The following TRPC3 variants were observed in gnomAD, a reference collection of about 807,000 sequenced individuals.
TRPC3 encodes short transient receptor potential channel 3.
Under a neutral mutation model 90.9 loss-of-function variants are expected in TRPC3, and 54 were observed. That is an observed-to-expected ratio of 0.59 (90% CI 0.48 to 0.75). The LOEUF (loss-of-function observed/expected upper bound fraction) is 0.75. TRPC3 is among the 30% of genes least tolerant of loss of function. The pLI, the probability that TRPC3 is intolerant of heterozygous loss-of-function variation, is 0.00. For missense variants in TRPC3, 918 were observed against 1,194.5 expected (o/e 0.77, Z 3.41); for synonymous variants, 424 against 450.9 (o/e 0.94, Z 0.75).
intron 3 of TRPC3, among the ~76,000 whole-genome samples, chr4:121,921,208 G>C (rs1729489973): frequency 6.6e-6 from 1 of 152,130 alleles, no homozygotes; most frequent in African/African-American, 2.4e-5. Flanking sequence ...GCTGGGAGTA[G>C]GTCTTGGGCA....
intron 2 of TRPC3, among the ~76,000 whole-genome samples, chr4:121,929,378 G>A (rs1054451276): frequency 2.6e-4 from 40 of 152,082 alleles, no homozygotes; most frequent in Non-Finnish European, 1.5e-4. Context: ...GGAAGCAAAC[G>A]CCTCTCCCTA....
intron 10 of TRPC3, among the ~76,000 whole-genome samples, chr4:121,891,169 A>G (rs1033112802): frequency 5.3e-5 from 8 of 152,200 alleles, no homozygotes; most frequent in African/African-American, 1.7e-4. Context: ...AAACTCTTCC[A>G]CATCAACATT....
chr4:121,902,938 T>A lies in TRPC3; in HGVS notation c.2377A>T (p.Ile793Phe), dbSNP rs145430158. The part of the protein sequence containing the change: ...VPSPKSFVYF[I>F]MRIVNFPKCR... Reference sequence around the variant, plus strand: ...TTGGGAAAGTTAACAATTCGCATGATGAAATAAACAAATGATTTTGGACTA... The same window carrying A: ...TTGGGAAAGTTAACAATTCGCATGAAGAAATAAACAAATGATTTTGGACTA... The change falls in exon 9 of 12, where the codon ATC becomes TTC. Residue 793 changes from isoleucine to phenylalanine, a missense_variant. Physicochemically the swap from Ile to Phe is conservative, Grantham distance 21. Coordinates refer to ENST00000379645, the MANE Select transcript of TRPC3 (RefSeq NM_001130698.2). The A allele has an allele frequency of 9.2e-5, 148 of 1,613,544 alleles. No individual in the cohort carries two copies. The South Asian group carries it at 9.3e-4, about 10-fold the overall frequency.
intron 1 of TRPC3, among the ~76,000 whole-genome samples, chr4:121,944,223 G>A (rs1730415569): frequency 6.6e-6 from 1 of 152,124 alleles, no homozygotes; most frequent in Non-Finnish European, 1.5e-5. Flanking sequence ...CAAGCAAAGA[G>A]CCTCCCCTCC....
At chr4:121,895,138 C>A (rs1388945616) in intron 10 of TRPC3, among the ~76,000 whole-genome samples, 1 of 151,654 alleles carries the variant, frequency 6.6e-6, no homozygotes. Context: ...ATACAACATA[C>A]CAACACCCAT....
rs1205133034 is a variant in TRPC3, at chr4:121,876,815, T to C, written c.*2921A>G. 6.6e-6 allele frequency among the ~76,000 whole-genome samples: 1 copy of C among 152,186 alleles called. No homozygotes were observed. The highest frequency in any genetic ancestry group is 1.5e-5 in the Non-Finnish European group (1 of 68,032). On this transcript the variant is annotated 3_prime_UTR_variant, in exon 12 of 12. Transcript: ENST00000379645. ...TTCAATACAGCAGGCACTTACAAAGTACCCAACTTTTCGAACAATAAGTCT... is the reference window on the plus strand; with the variant it reads ...TTCAATACAGCAGGCACTTACAAAGCACCCAACTTTTCGAACAATAAGTCT...
Position 121,898,340 on chromosome 4 carries a change from C to T in TRPC3, c.2547+1272G>A, listed in dbSNP as rs115645186. ...CAGCAGGAAGTGACAGGCTGGCAAG[C>T]GAGCATTACCGCTTGAGCTCCACCT... On this transcript the variant is annotated intron_variant, in intron 10 of 11. Coordinates refer to ENST00000379645, the MANE Select transcript of TRPC3 (RefSeq NM_001130698.2). 3.9e-5 allele frequency among the ~76,000 whole-genome samples: 6 copies of T among 152,298 alleles called. No individual in the cohort carries two copies. The South Asian group carries it at 8.3e-4, about 21-fold the overall frequency.
chr4:121,881,869 A>T (rs1014666962), intron 11 of TRPC3, among the ~76,000 whole-genome samples: 4 of 152,116 alleles, frequency 2.6e-5, no homozygotes, highest in African/African-American at 9.7e-5. Flanking sequence ...TAAAGTAAGG[A>T]GGCAGGGGGG....
intron 6 of TRPC3, 79 bp downstream of exon 6, chr4:121,910,075 T>C: frequency 9.2e-7 from 1 of 1,085,414 alleles, no homozygotes; most frequent in Non-Finnish European, 1.4e-6. Flanking sequence ...CTAAACATAC[T>C]CCAATTGGCA....
At chr4:121,902,469 G>A (rs1348180568) in intron 9 of TRPC3, among the ~76,000 whole-genome samples, 1 of 150,732 alleles carries the variant, frequency 6.6e-6, no homozygotes, top group African/African-American at 2.5e-5. Flanking sequence ...GAATATGGTG[G>A]TGGTGAACTA....
rs138705761 is a variant in TRPC3, at chr4:121,904,067, A to G, written c.2253+255T>C. Among the ~76,000 whole-genome samples, 573 of 152,274 alleles carry G rather than the reference A, an allele frequency of 3.8e-3. 5 individuals carry two copies. Among genetic ancestry groups the G allele is most frequent in the Admixed American group, 9.0e-3 (137 of 15,300 alleles). On this transcript the variant is annotated intron_variant, in intron 8 of 11. Coordinates refer to ENST00000379645, the MANE Select transcript of TRPC3 (RefSeq NM_001130698.2). ...AATACTTCTTCTAGCCACTAATTTCAAAACTTCTGAAATATACCCTGAGAG... is the reference window on the plus strand; with the variant it reads ...AATACTTCTTCTAGCCACTAATTTCGAAACTTCTGAAATATACCCTGAGAG...
At chr4:121,947,315 C>T (rs1164330257) in intron 1 of TRPC3, among the ~76,000 whole-genome samples, 2 of 151,806 alleles carry the variant, frequency 1.3e-5, no homozygotes, top group African/African-American at 2.4e-5. Context: ...TCAGTCTGGA[C>T]TCAAAGTCCA....
At chr4:121,895,919 TAAAAATCCTCA>T (rs1728503098) in intron 10 of TRPC3, among the ~76,000 whole-genome samples, 1 of 151,918 alleles carries the variant, frequency 6.6e-6, no homozygotes, top group African/African-American at 2.4e-5. Context: ...AACATAGATG[TAAAAATCCTCA>T]ATAAAATATT....
At chr4:121,913,814 A>T (rs1729197180) in intron 4 of TRPC3, among the ~76,000 whole-genome samples, 1 of 152,238 alleles carries the variant, frequency 6.6e-6, no homozygotes, top group South Asian at 2.1e-4. Context: ...TGCATGGGCA[A>T]CTCAATGATG....
At chr4:121,884,881 C>A (rs761129210) in intron 10 of TRPC3, among the ~76,000 whole-genome samples, 66 of 152,242 alleles carry the variant, frequency 4.3e-4, no homozygotes, top group Non-Finnish European at 8.7e-4. Flanking sequence ...TGAACACAGT[C>A]CCCAGTCCAG....
Position 121,899,689 on chromosome 4 carries a change from G to A in TRPC3, c.2470C>T (p.Leu824Phe). 1.9e-6 allele frequency: 3 copies of A among 1,610,410 alleles called. No homozygotes were observed. Among genetic ancestry groups the A allele is most frequent in the Non-Finnish European group, 2.5e-6 (3 of 1,177,456 alleles). Residue 824 changes from leucine to phenylalanine, a missense_variant, in exon 10 of 12, where the codon CTC (leucine) becomes TTC (phenylalanine). Transcript: ENST00000379645. ...ACTCTTGAGTTAGACTGAGTGAAGA[G>A]GTTTAACTAGGAAAAAATACAATTA... ...GMGNSKSRLN[L>F]FTQSNSRVFE...
In TRPC3 at chr4:121,892,320, G is replaced by A. The variant is rs981087470; in HGVS notation, c.2547+7292C>T. 2.0e-5 allele frequency among the ~76,000 whole-genome samples: 3 copies of A among 152,230 alleles called. No homozygotes were observed. The East Asian group carries it at 5.8e-4, about 29-fold the overall frequency. ...TTGGCACATGGCCACTTGAAATTAG[G>A]ACTTTATTTTCCAGGCTCCATTGCA... On this transcript the variant is annotated intron_variant, in intron 10 of 11. Coordinates refer to ENST00000379645, the MANE Select transcript of TRPC3 (RefSeq NM_001130698.2).
At chr4:121,910,786 A>G (rs1401526509) in intron 5 of TRPC3, among the ~76,000 whole-genome samples, 2 of 152,218 alleles carry the variant, frequency 1.3e-5, no homozygotes, top group African/African-American at 4.8e-5. Flanking sequence ...TTAGTTATCA[A>G]ACCATAGTGA....
chr4:121,905,487 C>T (rs1207218004), intron 7 of TRPC3, among the ~76,000 whole-genome samples: 1 of 152,138 alleles, frequency 6.6e-6, no homozygotes, highest in Admixed American at 6.6e-5. Flanking sequence ...CCTCACCAGA[C>T]TAATTACCTA....
Sources: gnomAD v4.1 joint callset for allele counts (sites outside exome capture counted in the v4.1 genomes callset) on GRCh38, gnomAD v4.1.1 for gene constraint, MANE v1.5 for transcripts, NCBI Gene and HGNC (gene_info 2026-07-23, HGNC 2026-07-21) for gene names.